The following HHLA2 variants were observed in gnomAD, a reference collection of about 807,000 sequenced individuals.
The protein encoded by HHLA2 is HERV-H LTR-associating protein 2.
A neutral mutation model predicts 45.9 loss-of-function variants in HHLA2; 48 were observed. The ratio of observed to expected loss-of-function variants is 1.05; its 90% CI spans 0.83 to 1.33. The LOEUF is 1.33. HHLA2 is among the 40% of genes most tolerant of loss of function. The pLI is 0.00. For missense variants in HHLA2, 462 were observed against 494.3 expected, an observed-to-expected ratio of 0.93 and a Z score of 0.62; for synonymous variants, 161 against 173.9, an observed-to-expected ratio of 0.93 and a Z score of 0.59.
rs181443557 is a variant in HHLA2 at position 108,371,354 on chromosome 3, C to G, written c.1109-4396C>G. Among the ~76,000 whole-genome samples the G allele has an allele frequency of 5.5e-4, 83 of 152,224 alleles. 1 individual carries two copies. In the East Asian group the frequency reaches 0.014, roughly 26 times the overall value. On this transcript the variant is annotated intron_variant, in intron 8 of 10. Coordinates refer to ENST00000619531, the Ensembl canonical transcript of HHLA2. ...CTAAACATGGAAAAAACAACCGGTA[C>G]CAGCCACTGCAAAAACAGGCCAAAT...
chr3:108,377,552 ATTTCT>A (rs762252626), exon 11 of HHLA2: 2 of 408,406 alleles, frequency 4.9e-6, no homozygotes, highest in Non-Finnish European at 9.0e-6. Context: ...ATTCATTTAC[ATTTCT>A]GTTACAGTCA....
At chr3:108,296,872 T>C (rs1411995089) in intron 1 of HHLA2, among the ~76,000 whole-genome samples, 1 of 152,188 alleles carries the variant, frequency 6.6e-6, no homozygotes, top group Non-Finnish European at 1.5e-5. Context: ...GGTAAGACAG[T>C]GAAAGAGGGA....
At chr3:108,377,047 C>A in intron 10 of HHLA2, 1 of 514,802 alleles carries the variant, frequency 1.9e-6, no homozygotes, top group Non-Finnish European at 3.5e-6. Flanking sequence ...TGTTAAAAAC[C>A]ATGAAACAGC....
At chr3:108,297,445 G>C (rs539954356) in intron 1 of HHLA2, among the ~76,000 whole-genome samples, 1 of 152,276 alleles carries the variant, frequency 6.6e-6, no homozygotes, top group South Asian at 2.1e-4. Flanking sequence ...AATCCTTGGT[G>C]CATTTACCTG....
At chr3:108,370,490 G>A (rs538565434) in intron 8 of HHLA2, among the ~76,000 whole-genome samples, 3 of 152,150 alleles carry the variant, frequency 2.0e-5, no homozygotes, top group African/African-American at 7.2e-5. Flanking sequence ...TGACTTTGAC[G>A]AGTTGAGAGA....
exon 2 of HHLA2, chr3:108,310,715 C>T (rs892169687): frequency 1.3e-5 from 2 of 152,476 alleles, no homozygotes; most frequent in Admixed American, 6.6e-5. Context: ...GCTTGAGAGA[C>T]CATCAAGAAT....
chr3:108,314,758 C>T (rs2081076018), intron 2 of HHLA2, among the ~76,000 whole-genome samples: 1 of 152,180 alleles, frequency 6.6e-6, no homozygotes, highest in South Asian at 2.1e-4. Flanking sequence ...CTCCATTTCA[C>T]AAGGAAGGAA....
At chr3:108,350,126 C>A (rs537282534) in intron 3 of HHLA2, among the ~76,000 whole-genome samples, 2 of 152,144 alleles carry the variant, frequency 1.3e-5, no homozygotes, top group East Asian at 3.9e-4. Flanking sequence ...CCAAAATAAT[C>A]ATTGTGATAT....
chr3:108,356,069 G>A (rs867842702), intron 6 of HHLA2, among the ~76,000 whole-genome samples: 9 of 124,702 alleles, frequency 7.2e-5, no homozygotes, highest in Admixed American at 3.0e-4. Context: ...TCCCTCTGTC[G>A]CCCAGGCTGG....
chr3:108,326,999 GT>G (rs60119938), intron 2 of HHLA2, among the ~76,000 whole-genome samples: 3,835 of 152,226 alleles, frequency 0.025, 140 homozygotes, highest in African/African-American at 0.086. Context: ...ACTTAGTGCA[GT>G]TCTACTGGCT....
exon 9 of HHLA2, chr3:108,375,786 A>T: frequency 1.2e-6 from 2 of 1,610,988 alleles, no homozygotes; most frequent in Non-Finnish European, 1.7e-6. Flanking sequence ...CACCCTGCTG[A>T]TGGAGCCCAA....
chr3:108,317,549 T>G (rs913654972), intron 2 of HHLA2, among the ~76,000 whole-genome samples: 1 of 151,614 alleles, frequency 6.6e-6, no homozygotes, highest in Non-Finnish European at 1.5e-5. Context: ...GAGGGTGAGG[T>G]AGCCTAGGAT....
At chr3:108,325,917 CT>C in intron 2 of HHLA2, 2 of 395,488 alleles carry the variant, frequency 5.1e-6, no homozygotes, top group Non-Finnish European at 9.8e-6. Flanking sequence ...TTCAATAAGG[CT>C]TTCCTTATTT....
chr3:108,359,186 A>C (rs1327563675), intron 7 of HHLA2, among the ~76,000 whole-genome samples: 1 of 152,208 alleles, frequency 6.6e-6, no homozygotes, highest in Non-Finnish European at 1.5e-5. Flanking sequence ...GTGTAAAAAA[A>C]AAAATAGTCA....
chr3:108,317,408 G>A (rs1369667933), intron 2 of HHLA2, among the ~76,000 whole-genome samples: 1 of 152,168 alleles, frequency 6.6e-6, no homozygotes, highest in Non-Finnish European at 1.5e-5. Flanking sequence ...AAGCAGGCAA[G>A]TGGAGGACTG....
At chr3:108,302,851 T>TG (rs1313311519) in intron 1 of HHLA2, 1 of 152,228 alleles carries the variant, frequency 6.6e-6, no homozygotes, top group Non-Finnish European at 1.5e-5. Context: ...AAATGCCTCC[T>TG]GGTGCTGCCT....
At chr3:108,354,596 T>C (rs1011379837) in intron 5 of HHLA2, among the ~76,000 whole-genome samples, 1 of 152,036 alleles carries the variant, frequency 6.6e-6, no homozygotes, top group Non-Finnish European at 1.5e-5. Context: ...CAATCTTACA[T>C]ATAGATATAT....
At chr3:108,362,250 G>C in intron 7 of HHLA2, 92 bp from the exon 7 acceptor site, 1 of 864,834 alleles carries the variant, frequency 1.2e-6, no homozygotes. Flanking sequence ...TTTTAAAATA[G>C]TAAACATACT....
At chr3:108,370,555 T>A (rs989395639) in intron 8 of HHLA2, among the ~76,000 whole-genome samples, 3 of 151,904 alleles carry the variant, frequency 2.0e-5, no homozygotes, top group Non-Finnish European at 4.4e-5. Flanking sequence ...TTCGAACCCA[T>A]GGCAAAGAAA....
Sources: allele counts gnomAD v4.1 joint callset (sites outside exome capture counted in the v4.1 genomes callset), GRCh38; gene constraint gnomAD v4.1.1; transcripts MANE v1.5; gene names NCBI Gene and HGNC (gene_info 2026-07-23, HGNC 2026-07-21).